The following ALMS1 variants were observed in gnomAD, a reference collection of about 807,000 sequenced individuals.
The protein encoded by ALMS1 is ALMS1 centrosome and basal body associated protein.
A neutral mutation model predicts 352.2 loss-of-function variants in ALMS1; 271 were observed. That is an observed-to-expected ratio of 0.77 (90% CI 0.70 to 0.85). The LOEUF (loss-of-function observed/expected upper bound fraction) is 0.85, where lower values mean the gene tolerates loss of function less well. Among genes scored for constraint, ALMS1 ranks in the 40% least tolerant of loss-of-function variants. ALMS1 has a pLI of 0.00. For missense variants in ALMS1, 5,445 were observed against 4,870.7 expected (o/e 1.12, Z -3.51); for synonymous variants, 1,865 against 1,761.2 (o/e 1.06, Z -1.48).
At chr2:73,436,808 T>G (rs887642444) in intron 7 of ALMS1, among the ~76,000 whole-genome samples, 1 of 152,240 alleles carries the variant, frequency 6.6e-6, no homozygotes, top group Non-Finnish European at 1.5e-5. Flanking sequence ...TTAAGCATCC[T>G]TTTCTTCCCT....
chr2:73,462,461 A>G (rs1448653582), intron 9 of ALMS1, among the ~76,000 whole-genome samples: 2 of 152,212 alleles, frequency 1.3e-5, no homozygotes, highest in Non-Finnish European at 2.9e-5. Context: ...AGGAAGCGCT[A>G]AACATGGAAA....
chr2:73,471,760 G>A (rs1672472955), intron 9 of ALMS1, among the ~76,000 whole-genome samples: 1 of 151,912 alleles, frequency 6.6e-6, no homozygotes, highest in Admixed American at 6.6e-5. Flanking sequence ...CCTGTACACT[G>A]TAGATGGTCA....
chr2:73,466,686 G>A (rs1374261519), intron 9 of ALMS1, among the ~76,000 whole-genome samples: 7 of 151,904 alleles, frequency 4.6e-5, no homozygotes, highest in African/African-American at 1.5e-4. Context: ...CAGACTAAAC[G>A]GAAATAATCT....
intron 14 of ALMS1, 35 bp downstream of exon 14, chr2:73,557,389 T>C (rs867824636): frequency 6.2e-7 from 1 of 1,613,492 alleles, no homozygotes. Context: ...ATTATTTTCT[T>C]CTGGTCTTCT....
intron 7 of ALMS1, among the ~76,000 whole-genome samples, chr2:73,439,020 CT>C (rs747646500): frequency 7.9e-5 from 12 of 151,112 alleles, no homozygotes; most frequent in South Asian, 2.1e-4. Flanking sequence ...CCTCCTCCTC[CT>C]TTTTTTCTTC....
intron 6 of ALMS1, among the ~76,000 whole-genome samples, chr2:73,430,580 CAG>C (rs1426549725): frequency 2.6e-5 from 4 of 152,152 alleles, no homozygotes; most frequent in Non-Finnish European, 5.9e-5. Context: ...CAGTTAGTGA[CAG>C]ACTGCATATA....
chr2:73,435,117 AC>A (rs1163913173), intron 7 of ALMS1, among the ~76,000 whole-genome samples: 1 of 152,090 alleles, frequency 6.6e-6, no homozygotes, highest in Non-Finnish European at 1.5e-5. Flanking sequence ...TCTACTTTCA[AC>A]CTATTTGTAT....
chr2:73,441,107 C>G (rs1671710619), intron 7 of ALMS1, among the ~76,000 whole-genome samples: 1 of 152,188 alleles, frequency 6.6e-6, no homozygotes, highest in Admixed American at 6.5e-5. Context: ...GCCCCTGGAC[C>G]AACTGGTGTC....
At chr2:73,595,477 G>C (rs774092840) in intron 16 of ALMS1, among the ~76,000 whole-genome samples, 1 of 152,140 alleles carries the variant, frequency 6.6e-6, no homozygotes, top group Non-Finnish European at 1.5e-5. Flanking sequence ...TGCATCAGTG[G>C]TTCCTTTTTG....
At chr2:73,599,002 T>C (rs766829360) in intron 16 of ALMS1, among the ~76,000 whole-genome samples, 8 of 152,316 alleles carry the variant, frequency 5.3e-5, no homozygotes, top group Admixed American at 1.3e-4. Flanking sequence ...CAGCTCTTAA[T>C]TGGAGAGCGC....
chr2:73,542,018 TG>T (rs975204864), intron 12 of ALMS1, among the ~76,000 whole-genome samples: 1 of 152,226 alleles, frequency 6.6e-6, no homozygotes, highest in Non-Finnish European at 1.5e-5. Flanking sequence ...ACTCATTTTA[TG>T]AGGCCAGCAT....
rs1196434879 is a variant in ALMS1, at chr2:73,448,490, G to A, written c.1963G>A (p.Val655Met). Residue 655 changes from valine (V) to methionine (M), a missense_variant, in exon 8 of 23, where the codon GTG (valine) becomes ATG (methionine). Physicochemically the swap from Val to Met is conservative, Grantham distance 21. Coordinates refer to ENST00000613296, the MANE Select transcript of ALMS1 (RefSeq NM_001378454.1). Reference sequence around the variant, plus strand: ...GGAAGTTTCAGCTGCTCCTGGCCCAGTGGAGCAGAAGACGGGAATACCTAC... The same window carrying A: ...GGAAGTTTCAGCTGCTCCTGGCCCAATGGAGCAGAAGACGGGAATACCTAC... ...PLEVSAAPGP[V>M]EQKTGIPTVS... 1 of 1,613,940 alleles carries A rather than the reference G, an allele frequency of 6.2e-7. No homozygotes were observed. The highest frequency in any genetic ancestry group is 2.2e-5 in the East Asian group (1 of 44,874).
At chr2:73,526,318 ATTAGTAT>A (rs1268947354) in intron 11 of ALMS1, among the ~76,000 whole-genome samples, 3 of 152,112 alleles carry the variant, frequency 2.0e-5, no homozygotes, top group Non-Finnish European at 4.4e-5. Context: ...GAAGAATGTC[ATTAGTAT>A]TTTGATAGGG....
chr2:73,528,508 A>G (rs1279621542), intron 11 of ALMS1, among the ~76,000 whole-genome samples: 1 of 152,146 alleles, frequency 6.6e-6, no homozygotes, highest in East Asian at 1.9e-4. Flanking sequence ...TTTTTGTCTT[A>G]AAGTCTATTT....
intron 9 of ALMS1, among the ~76,000 whole-genome samples, chr2:73,466,631 TAAAGTA>T (rs1183475013): frequency 2.6e-5 from 4 of 152,054 alleles, no homozygotes; most frequent in African/African-American, 9.7e-5. Context: ...CCCTAAAACT[TAAAGTA>T]TAATAATAAT....
intron 1 of ALMS1, among the ~76,000 whole-genome samples, chr2:73,406,110 A>T (rs1267650892): frequency 6.6e-6 from 1 of 152,124 alleles, no homozygotes; most frequent in Non-Finnish European, 1.5e-5. Context: ...AAAGTTGGTT[A>T]TTGAAGTCTC....
intron 11 of ALMS1, among the ~76,000 whole-genome samples, chr2:73,522,388 T>C (rs1266460909): frequency 6.6e-6 from 1 of 152,028 alleles, no homozygotes; most frequent in African/African-American, 2.4e-5. Flanking sequence ...AGGCTACAGC[T>C]TTTTTCTTTT....
intron 10 of ALMS1, among the ~76,000 whole-genome samples, chr2:73,508,027 G>A (rs1159123708): frequency 2.0e-5 from 3 of 151,908 alleles, no homozygotes; most frequent in Non-Finnish European, 2.9e-5. Flanking sequence ...CCTTGATTTC[G>A]TTATTTAGCC....
At chr2:73,576,985 C>G (rs752048812) in intron 16 of ALMS1, among the ~76,000 whole-genome samples, 15 of 152,270 alleles carry the variant, frequency 9.9e-5, no homozygotes, top group Admixed American at 2.0e-4. Context: ...TTTGAACCAA[C>G]TTTACATTCC....
Sources: allele counts gnomAD v4.1 joint callset (sites outside exome capture counted in the v4.1 genomes callset), GRCh38; gene constraint gnomAD v4.1.1; transcripts MANE v1.5; gene names NCBI Gene and HGNC (gene_info 2026-07-23, HGNC 2026-07-21).